Variants in FAT3 observed in about 807,000 individuals in gnomAD.
FAT3 encodes the protein protocadherin Fat 3.
Under a neutral mutation model 310.2 loss-of-function variants are expected in FAT3, and 95 were observed. That is an observed-to-expected ratio of 0.31 (90% confidence interval 0.26 to 0.36). The LOEUF is 0.36. FAT3 is among the 10% of genes least tolerant of loss of function. FAT3 has a pLI of 1.00. For missense variants in FAT3, 5,408 were observed against 5,715.6 expected, an observed-to-expected ratio of 0.95 and a Z score of 1.74; for synonymous variants, 2,314 against 2,192.9, an observed-to-expected ratio of 1.06 and a Z score of -1.54.
At chr11:92,871,419 C>A (rs1401745567) in intron 22 of FAT3, among the ~76,000 whole-genome samples, 7 of 152,244 alleles carry the variant, frequency 4.6e-5, no homozygotes, top group African/African-American at 1.7e-4. Context: ...TCCACTGAAT[C>A]GGAATCTGTA....
chr11:92,312,472 AC>A, intron 1 of FAT3, among the ~76,000 whole-genome samples: 1 of 152,224 alleles, frequency 6.6e-6, no homozygotes, highest in East Asian at 1.9e-4. Flanking sequence ...TAGATGAATC[AC>A]CCTTAAAAGG....
chr11:92,833,320 A>T (rs1489561157), intron 14 of FAT3, among the ~76,000 whole-genome samples: 1 of 152,078 alleles, frequency 6.6e-6, no homozygotes, highest in African/African-American at 2.4e-5. Context: ...TTCCCTCATC[A>T]CTCAAGGAGT....
intron 3 of FAT3, among the ~76,000 whole-genome samples, chr11:92,585,362 A>G (rs901279385): frequency 6.6e-6 from 1 of 152,040 alleles, no homozygotes; most frequent in Non-Finnish European, 1.5e-5. Flanking sequence ...CAGATTTCCC[A>G]CTAGTGTGTT....
At chr11:92,874,742 T>A (rs1342327322) in intron 22 of FAT3, among the ~76,000 whole-genome samples, 2 of 152,128 alleles carry the variant, frequency 1.3e-5, no homozygotes, top group Admixed American at 1.3e-4. Flanking sequence ...TTTCACCATA[T>A]TGGTCAGGCT....
chr11:92,712,820 T>G (rs1382933755), intron 4 of FAT3, among the ~76,000 whole-genome samples: 1 of 152,216 alleles, frequency 6.6e-6, no homozygotes, highest in Non-Finnish European at 1.5e-5. Flanking sequence ...AGGTTGCCAG[T>G]TGGTAACACA....
intron 2 of FAT3, among the ~76,000 whole-genome samples, chr11:92,431,223 T>A (rs1031768904): frequency 1.4e-4 from 22 of 152,350 alleles, no homozygotes; most frequent in African/African-American, 5.3e-4. Context: ...TGAGATGATA[T>A]CTCATTGTGG....
intron 1 of FAT3, among the ~76,000 whole-genome samples, chr11:92,329,898 C>G (rs966180795): frequency 6.6e-6 from 1 of 151,408 alleles, no homozygotes; most frequent in African/African-American, 2.4e-5. Flanking sequence ...AGTTTGCACA[C>G]TGGGTGATAC....
intron 5 of FAT3, among the ~76,000 whole-genome samples, chr11:92,764,501 T>G (rs1356013483): frequency 6.6e-6 from 1 of 152,170 alleles, no homozygotes; most frequent in Non-Finnish European, 1.5e-5. Context: ...TTTCTTCCCT[T>G]TCACATATCA....
chr11:92,887,766 T>A (rs1949830190), intron 25 of FAT3, among the ~76,000 whole-genome samples: 1 of 151,730 alleles, frequency 6.6e-6, no homozygotes, highest in East Asian at 1.9e-4. Flanking sequence ...TTGGACTGGG[T>A]TTTCTGAGCT....
At chr11:92,528,531 C>T (rs1032508907) in intron 3 of FAT3, among the ~76,000 whole-genome samples, 9 of 152,274 alleles carry the variant, frequency 5.9e-5, no homozygotes, top group Admixed American at 2.0e-4. Flanking sequence ...GGACTACAGG[C>T]GCCTGCCACC....
At chr11:92,527,306 G>C (rs1953899287) in intron 3 of FAT3, among the ~76,000 whole-genome samples, 1 of 152,142 alleles carries the variant, frequency 6.6e-6, no homozygotes, top group Non-Finnish European at 1.5e-5. Flanking sequence ...CTTAAATGTA[G>C]TTTTTAGTGA....
In FAT3 at chr11:92,719,720, CTGTGTGTGTGTGTGTGTGTGTGTGTG is replaced by C. The variant is rs751825746; in HGVS notation, c.3669+22301_3669+22326del. ...ACCCATGGATACAGGAGAACCAACTCTGTGTGTGTGTGTGTGTGTGTGTGTGTGTGTGTGTGTGTGTGTGTGTGTGT... is the reference window on the plus strand; with the variant it reads ...ACCCATGGATACAGGAGAACCAACTCTGTGTGTGTGTGTGTGTGTGTGTGT... On this transcript the variant is annotated intron_variant, in intron 4 of 27. Transcript: ENST00000525166. Among the ~76,000 whole-genome samples the C allele has an allele frequency of 2.8e-4, 39 of 136,858 alleles. No individual in the cohort carries two copies. In the East Asian group the frequency reaches 7.5e-3, roughly 26 times the overall value. 89.8% of individuals were successfully genotyped at this position (136,858 alleles called of 152,430 possible).
chr11:92,607,614 A>G (rs1940364722), intron 3 of FAT3, among the ~76,000 whole-genome samples: 1 of 152,180 alleles, frequency 6.6e-6, no homozygotes, highest in Non-Finnish European at 1.5e-5. Context: ...AAGTAGAACT[A>G]TACTTTAAAC....
intron 3 of FAT3, 63 bp from the exon 4 acceptor site, chr11:92,697,321 C>T (rs1346833757): frequency 2.7e-6 from 4 of 1,493,496 alleles, no homozygotes; most frequent in African/African-American, 1.4e-5. Flanking sequence ...GACTTGTTTC[C>T]CCACACTCAG....
At chr11:92,568,389 T>TG (rs34113733) in intron 3 of FAT3, among the ~76,000 whole-genome samples, 59,260 of 151,884 alleles carry the variant, frequency 0.39, 12,280 homozygotes, top group Middle Eastern at 0.53. Context: ...GATGAGATAG[T>TG]GGAAGTAGAC....
intron 3 of FAT3, among the ~76,000 whole-genome samples, chr11:92,682,142 G>A (rs1041466152): frequency 6.6e-6 from 1 of 152,136 alleles, no homozygotes; most frequent in Admixed American, 6.5e-5. Context: ...CAAAACCTTA[G>A]GCAAGTTACA....
intron 7 of FAT3, among the ~76,000 whole-genome samples, chr11:92,787,943 C>T (rs1477368723): frequency 6.6e-6 from 1 of 152,160 alleles, no homozygotes; most frequent in East Asian, 1.9e-4. Flanking sequence ...TAGGAAGTAG[C>T]AATATGAACT....
intron 1 of FAT3, chr11:92,336,535 CTA>C (rs372933597): frequency 2.6e-5 from 5 of 190,896 alleles, no homozygotes; most frequent in East Asian, 1.5e-4. Flanking sequence ...CCTATAGACT[CTA>C]TGTGGATTTT....
chr11:92,836,111 G>A (rs1297106169), intron 15 of FAT3, among the ~76,000 whole-genome samples: 1 of 152,126 alleles, frequency 6.6e-6, no homozygotes, highest in Admixed American at 6.6e-5. Flanking sequence ...CATCAACCTG[G>A]AGCAATAGAC....
Sources: gnomAD v4.1 joint callset for allele counts (sites outside exome capture counted in the v4.1 genomes callset) on GRCh38, gnomAD v4.1.1 for gene constraint, MANE v1.5 for transcripts, NCBI Gene and HGNC (gene_info 2026-07-23, HGNC 2026-07-21) for gene names.